Variants in WDFY1 observed in about 807,000 individuals in gnomAD.
WDFY1 encodes the protein WD repeat and FYVE domain containing 1.
In WDFY1, 32 loss-of-function variants were observed where a neutral mutation model predicts 56.4. That is an observed-to-expected ratio of 0.57 (90% CI 0.43 to 0.76). The LOEUF is 0.76. Among genes scored for constraint, WDFY1 ranks in the 30% least tolerant of loss-of-function variants. The probability of loss-of-function intolerance (pLI) is 0.00; values close to 1 mark genes in which losing one functional copy is unlikely to be tolerated. For missense variants in WDFY1, 480 were observed against 545.7 expected (o/e 0.88, Z 1.20); for synonymous variants, 192 against 197.3 (o/e 0.97, Z 0.23).
chr2:223,894,439 G>T, intron 7 of WDFY1, 100 bp from the exon 8 acceptor site: 1 of 1,203,456 alleles, frequency 8.3e-7, no homozygotes, highest in Non-Finnish European at 1.2e-6. Context: ...AAATCAGCAA[G>T]TGGTATTTTA....
chr2:223,918,844 G>A (rs561177282), intron 1 of WDFY1, among the ~76,000 whole-genome samples: 2 of 152,252 alleles, frequency 1.3e-5, no homozygotes, highest in African/African-American at 4.8e-5. Flanking sequence ...CAGCAGGCTC[G>A]GGCTTGGGCA....
intron 1 of WDFY1, among the ~76,000 whole-genome samples, chr2:223,918,972 A>T (rs1693842365): frequency 6.6e-6 from 1 of 152,212 alleles, no homozygotes; most frequent in Non-Finnish European, 1.5e-5. Context: ...CAGGAAAATG[A>T]CAAACGACCA....
At chr2:223,937,308 C>G (rs1689203929) in intron 1 of WDFY1, among the ~76,000 whole-genome samples, 1 of 152,120 alleles carries the variant, frequency 6.6e-6, no homozygotes, top group Non-Finnish European at 1.5e-5. Flanking sequence ...ACATATTACT[C>G]TTTCGTAAGA....
At chr2:223,878,900 G>A (rs1367165217) in intron 11 of WDFY1, among the ~76,000 whole-genome samples, 170 bp from the exon 12 acceptor site, 1 of 152,238 alleles carries the variant, frequency 6.6e-6, no homozygotes, top group African/African-American at 2.4e-5. Flanking sequence ...AAGAGGCCAG[G>A]TGGCTGGGCA....
intron 2 of WDFY1, among the ~76,000 whole-genome samples, chr2:223,913,421 G>GT (rs1424176599): frequency 6.6e-6 from 1 of 152,090 alleles, no homozygotes; most frequent in African/African-American, 2.4e-5. Flanking sequence ...GAACTATGTA[G>GT]TTGGCTCTGA....
rs149025388 is a variant in WDFY1 at position 223,886,377 on chromosome 2, A to C, written c.832-1628T>G. 1.8e-4 allele frequency among the ~76,000 whole-genome samples: 27 copies of C among 151,950 alleles called. No individual in the cohort carries two copies. In the East Asian group the frequency reaches 4.8e-3, roughly 27 times the overall value. On this transcript the variant is annotated intron_variant, in intron 8 of 11. Transcript: ENST00000233055. ...AAAACAAAATAAAAACTTAGAAAAT[A>C]TTTCTCTAAACAAAAAATTACAAAC...
At chr2:223,906,832 T>C (rs960288372) in intron 3 of WDFY1, among the ~76,000 whole-genome samples, 3 of 151,312 alleles carry the variant, frequency 2.0e-5, no homozygotes, top group South Asian at 2.1e-4. Flanking sequence ...AAACTTTCTA[T>C]AGATGTAATA....
chr2:223,879,218 T>C (rs1693023773), intron 11 of WDFY1, among the ~76,000 whole-genome samples: 1 of 152,156 alleles, frequency 6.6e-6, no homozygotes. Flanking sequence ...GATAAAACAA[T>C]GTAGTTCACT....
intron 3 of WDFY1, among the ~76,000 whole-genome samples, chr2:223,911,219 G>T (rs1187155154): frequency 1.3e-5 from 2 of 152,118 alleles, no homozygotes; most frequent in African/African-American, 4.8e-5. Context: ...GTAAATTAGT[G>T]ATTTCCAGGA....
Position 223,901,192 on chromosome 2 carries a change from G to C in WDFY1, c.476C>G (p.Ser159Trp), listed in dbSNP as rs149201768. ...TGGCTCTGAAGGATACTGCAGACACGAAGCCCAGGACGTGAAGAAGTGCCT... is the reference window on the plus strand; with the variant it reads ...TGGCTCTGAAGGATACTGCAGACACCAAGCCCAGGACGTGAAGAAGTGCCT... The part of the protein sequence containing the change: ...LGRHFFTSWA[S>W]CLQYDFDTQY... The change falls in exon 5 of 12, where the codon TCG becomes TGG. Residue 159 changes from serine (S) to tryptophan (W), a missense_variant. Coordinates refer to ENST00000233055, the MANE Select transcript of WDFY1 (RefSeq NM_020830.5). 4.3e-6 allele frequency: 7 copies of C among 1,613,674 alleles called. No individual in the cohort carries two copies. The Admixed American group carries it at 1.0e-4, about 23-fold the overall frequency.
chr2:223,924,087 T>A (rs1428779082), intron 1 of WDFY1, among the ~76,000 whole-genome samples: 1 of 152,202 alleles, frequency 6.6e-6, no homozygotes, highest in African/African-American at 2.4e-5. Flanking sequence ...TTTTCCAAGC[T>A]CTATTTTTAA....
In WDFY1 at chr2:223,884,707, G is replaced by A. The variant is rs1693141462; in HGVS notation, c.874C>T (p.Gln292Ter). The change falls in exon 9 of 12, where the codon CAG (glutamine) becomes TAG (stop). Residue 292 changes from glutamine (Q) to a stop codon, truncating the protein, a stop_gained. Coordinates refer to ENST00000233055, the MANE Select transcript of WDFY1 (RefSeq NM_020830.5). LOFTEE classifies it high-confidence loss of function. Reference protein sequence around the residue: ...LESDSCQKCEQPFFWNIKQMW... With the variant: ...LESDSCQKCE Reference sequence around the variant, plus strand: ...TGCTTTATGTTCCAGAAAAATGGCTGCTCACATTTCTGACAAGAATCACTT... The same window carrying A: ...TGCTTTATGTTCCAGAAAAATGGCTACTCACATTTCTGACAAGAATCACTT... The A allele has an allele frequency of 6.2e-7, 1 of 1,613,984 alleles. No individual in the cohort carries two copies. Among genetic ancestry groups the A allele is most frequent in the Admixed American group, 1.7e-5 (1 of 59,990 alleles).
chr2:223,893,246 GTGCCTCA>G (rs1693307414), intron 8 of WDFY1, among the ~76,000 whole-genome samples: 1 of 151,882 alleles, frequency 6.6e-6, no homozygotes, highest in African/African-American at 2.4e-5. Flanking sequence ...AATGTACACA[GTGCCTCA>G]TGCCTATAAT....
chr2:223,931,045 T>C (rs1433464812), intron 1 of WDFY1, among the ~76,000 whole-genome samples: 1 of 152,238 alleles, frequency 6.6e-6, no homozygotes, highest in Non-Finnish European at 1.5e-5. Flanking sequence ...ACTGACACCA[T>C]GCTTTCTGTT....
intron 1 of WDFY1, among the ~76,000 whole-genome samples, chr2:223,933,961 C>CA (rs368902455): frequency 0.012 from 626 of 51,006 alleles, 61 homozygotes; most frequent in African/African-American, 0.043. Flanking sequence ...GACCCTGCCT[C>CA]AAAAAAAAAA....
At chr2:223,883,334 G>A (rs1693107805) in intron 9 of WDFY1, among the ~76,000 whole-genome samples, 2 of 152,170 alleles carry the variant, frequency 1.3e-5, no homozygotes, top group African/African-American at 4.8e-5. Flanking sequence ...TACTGATTTT[G>A]ACATATTCTT....
In WDFY1 at chr2:223,876,636, T is replaced by A. The variant is rs541221583; in HGVS notation, c.*2035A>T. 6.6e-6 allele frequency: 1 copy of A among 152,296 alleles called. No homozygotes were observed. Among genetic ancestry groups the A allele is most frequent in the Admixed American group, 6.5e-5 (1 of 15,306 alleles). The allele number at this position is 152,296 out of a possible 1,614,324, so 9.4% of individuals were successfully genotyped here. A position where few individuals can be genotyped will look rare whatever the true frequency, so the allele number is the denominator to read the frequency against. ...AATAACTTTATGTTCCCATGGAACA[T>A]AGGGTTTTTCAAGAATTTCTTAAAA... On this transcript the variant is annotated 3_prime_UTR_variant, in exon 12 of 12. Transcript: ENST00000233055.
intron 6 of WDFY1, among the ~76,000 whole-genome samples, chr2:223,896,177 A>AAAAAAAAAAAAAAAAAAC (rs1559165606): frequency 1.3e-5 from 2 of 148,402 alleles, no homozygotes; most frequent in African/African-American, 5.0e-5. Flanking sequence ...AAAAAAAAAA[A>AAAAAAAAAAAAAAAAAAC]AAAAAACTGC....
intron 1 of WDFY1, among the ~76,000 whole-genome samples, chr2:223,940,974 C>T (rs1215252103): frequency 6.6e-6 from 1 of 152,198 alleles, no homozygotes; most frequent in Admixed American, 6.5e-5. Flanking sequence ...AGGCATGTGC[C>T]ACCACGCCCA....
Sources: gnomAD v4.1 joint callset for allele counts (sites outside exome capture counted in the v4.1 genomes callset) on GRCh38, gnomAD v4.1.1 for gene constraint, MANE v1.5 for transcripts, NCBI Gene and HGNC (gene_info 2026-07-23, HGNC 2026-07-21) for gene names.